PAPPA: variants seen among roughly 807,000 people sequenced by gnomAD.
The protein encoded by PAPPA is pappalysin 1.
Under a neutral mutation model 164.0 loss-of-function variants are expected in PAPPA, and 60 were observed. The observed-to-expected ratio is 0.37, with a 90% CI of 0.30 to 0.45. PAPPA has a LOEUF of 0.45. PAPPA is among the 20% of genes least tolerant of loss of function. The pLI, the probability that PAPPA is intolerant of heterozygous loss-of-function variation, is 1.00. For missense variants in PAPPA, 1,782 were observed against 2,087.3 expected (o/e 0.85, Z 2.85); for synonymous variants, 875 against 814.1 (o/e 1.07, Z -1.27).
chr9:116,338,976 T>C (rs931422596), intron 13 of PAPPA, among the ~76,000 whole-genome samples: 3 of 152,196 alleles, frequency 2.0e-5, no homozygotes, highest in African/African-American at 7.2e-5. Flanking sequence ...TTCTGTGCCC[T>C]CATTTGAGGA....
intron 16 of PAPPA, 28 bp from the exon 17 acceptor site, chr9:116,353,594 T>G: frequency 8.1e-6 from 13 of 1,605,474 alleles, no homozygotes; most frequent in Non-Finnish European, 1.1e-5. Context: ...GTCCTTGAGA[T>G]GTCTCCTGTT....
At chr9:116,211,530 G>A (rs532628206) in intron 3 of PAPPA, 109 bp from the exon 4 acceptor site, 3 of 897,026 alleles carry the variant, frequency 3.3e-6, no homozygotes, top group African/African-American at 1.7e-5. Flanking sequence ...GGGTGGAGAA[G>A]CTTGTGTTTA....
chr9:116,350,945 A>G (rs1436527154), intron 15 of PAPPA, among the ~76,000 whole-genome samples: 1 of 152,258 alleles, frequency 6.6e-6, no homozygotes, highest in African/African-American at 2.4e-5. Flanking sequence ...ACAGACACCA[A>G]TCTGCCTTGT....
Position 116,335,092 on chromosome 9 carries a change from G to C in PAPPA, c.3611+18G>C. On this transcript the variant is annotated intron_variant, in intron 13 of 21. Coordinates refer to ENST00000328252, the MANE Select transcript of PAPPA (RefSeq NM_002581.5). ...GAGCAGAGGTAAGGGATCCGCGGCA[G>C]ACTCGCCCTAGGCCACTTGTAGCCG... 1 of 1,602,058 alleles carries C rather than the reference G, an allele frequency of 6.2e-7. No individual in the cohort carries two copies. Among genetic ancestry groups the C allele is most frequent in the Admixed American group, 1.7e-5 (1 of 59,982 alleles).
intron 10 of PAPPA, among the ~76,000 whole-genome samples, chr9:116,322,410 C>CAAAAAAAA (rs34749732): frequency 1.8e-5 from 1 of 56,356 alleles, no homozygotes. Flanking sequence ...GACTTAGTCT[C>CAAAAAAAA]AAAAAAAAAA....
At position 116,353,678 on chromosome 9, in the gene PAPPA, T is replaced by C; in HGVS notation, c.4232T>C (p.Val1411Ala). The change falls in exon 17 of 22, where the codon GTT becomes GCT. Residue 1411 changes from valine (V) to alanine (A), a missense_variant. Physicochemically the swap from Val to Ala is moderately conservative, Grantham distance 64. This residue lies in a region of PAPPA where 1,324 missense variants were observed against 1,656.9 expected (regional missense o/e 0.80). Coordinates refer to ENST00000328252, the MANE Select transcript of PAPPA (RefSeq NM_002581.5). ...QDGSWQEGACVPVTCDPPPPK... is the reference protein window; with the variant it reads ...QDGSWQEGACAPVTCDPPPPK... ...GGCAGCTGGCAGGAGGGAGCTTGTG[T>C]TCCTGTGACCTGTGACCCACCTCCA... The C allele has an allele frequency of 1.9e-6, 3 of 1,614,076 alleles. No individual in the cohort carries two copies. Among genetic ancestry groups the C allele is most frequent in the Non-Finnish European group, 2.5e-6 (3 of 1,179,982 alleles).
Position 116,154,551 on chromosome 9 carries a change from G to C in PAPPA, c.379G>C (p.Ala127Pro). ...DAFTLQVWLR[A>P]EGGQRSPAVI... ...GTTCACGCTGCAAGTGTGGCTGCGAGCGGAGGGGGGCCAGAGGTCTCCGGC... is the reference window on the plus strand; with the variant it reads ...GTTCACGCTGCAAGTGTGGCTGCGACCGGAGGGGGGCCAGAGGTCTCCGGC... The change falls in exon 1 of 22, where the codon GCG becomes CCG. Residue 127 changes from alanine (A) to proline (P), a missense_variant. Physicochemically the swap from Ala to Pro is conservative, Grantham distance 27. Coordinates refer to ENST00000328252, the MANE Select transcript of PAPPA (RefSeq NM_002581.5). This position sits in a 1 kb window ranked among gnomAD's most constrained non-coding sequence, Gnocchi z 5.2. The C allele has an allele frequency of 7.1e-7, 1 of 1,405,982 alleles. No individual in the cohort carries two copies. Among genetic ancestry groups the C allele is most frequent in the Non-Finnish European group, 9.3e-7 (1 of 1,077,746 alleles). The allele number at this position is 1,405,982 out of a possible 1,614,324, so 87.1% of individuals were successfully genotyped here.
chr9:116,343,663 C>T lies in PAPPA; in HGVS notation c.3612-880C>T, dbSNP rs149706472. ...AGGTTGGCCAAATTTAAGAGTATAC[C>T]GAAGCTCAGAGATGTGATGTACTTT... On this transcript the variant is annotated intron_variant, in intron 13 of 21. Coordinates refer to ENST00000328252, the MANE Select transcript of PAPPA (RefSeq NM_002581.5). 1.3e-3 allele frequency among the ~76,000 whole-genome samples: 198 copies of T among 152,070 alleles called. 5 individuals carry two copies. The East Asian group carries it at 0.034, about 26-fold the overall frequency.
intron 1 of PAPPA, among the ~76,000 whole-genome samples, chr9:116,156,109 A>AT (rs35362408): frequency 0.013 from 1,737 of 137,916 alleles, 14 homozygotes; most frequent in African/African-American, 0.023. Flanking sequence ...CTTGGAGGTG[A>AT]TTTTTTTTTT....
At chr9:116,282,576 A>G (rs945412209) in intron 9 of PAPPA, among the ~76,000 whole-genome samples, 14 of 152,364 alleles carry the variant, frequency 9.2e-5, no homozygotes, top group African/African-American at 3.4e-4. Flanking sequence ...TAGTTTTAAC[A>G]TTATACAGGC....
chr9:116,180,285 G>T (rs1843888235), intron 1 of PAPPA, among the ~76,000 whole-genome samples: 1 of 151,978 alleles, frequency 6.6e-6, no homozygotes, highest in African/African-American at 2.4e-5. Flanking sequence ...GAGCCTTCAT[G>T]GTGGATTGAG....
At chr9:116,390,124 A>G (rs756315408) in intron 21 of PAPPA, among the ~76,000 whole-genome samples, 3 of 152,172 alleles carry the variant, frequency 2.0e-5, no homozygotes, top group Non-Finnish European at 4.4e-5. Flanking sequence ...AGCTGAATGA[A>G]TTCATGTCTT....
intron 9 of PAPPA, among the ~76,000 whole-genome samples, chr9:116,289,347 G>GCATATATATGCCATATATATAC (rs1845402226): frequency 1.0e-5 from 1 of 95,424 alleles, no homozygotes; most frequent in Non-Finnish European, 2.4e-5. Context: ...CATATATATG[G>GCATATATATGCCATATATATAC]CATATATATG....
intron 2 of PAPPA, among the ~76,000 whole-genome samples, chr9:116,194,122 A>G (rs1197327592): frequency 1.3e-5 from 2 of 152,240 alleles, no homozygotes; most frequent in East Asian, 3.9e-4. Context: ...TTCAGACTGT[A>G]GACACTGAAG....
chr9:116,166,466 G>T (rs1218897180), intron 1 of PAPPA, among the ~76,000 whole-genome samples: 3 of 152,088 alleles, frequency 2.0e-5, no homozygotes, highest in Non-Finnish European at 2.9e-5. Context: ...TGTTGCTTCA[G>T]TCTTCACCCA....
At chr9:116,269,668 C>G (rs979386759) in intron 8 of PAPPA, among the ~76,000 whole-genome samples, 1 of 152,054 alleles carries the variant, frequency 6.6e-6, no homozygotes, top group African/African-American at 2.4e-5. Flanking sequence ...TGTAGTGACC[C>G]GAATATTTTG....
In PAPPA at chr9:116,187,873, C is replaced by A; in HGVS notation, c.1135C>A (p.His379Asn). The part of the protein sequence containing the change: ...TVTREQVDFQ[H>N]HQLAEAFKQY... ...GACGCGCGAGCAGGTGGACTTCCAG[C>A]ACCATCAGCTGGCTGAGGCCTTCAA... The change falls in exon 2 of 22, where the codon CAC (histidine) becomes AAC (asparagine). Residue 379 changes from histidine to asparagine, a missense_variant. This residue lies in a region of PAPPA where 1,324 missense variants were observed against 1,656.9 expected (regional missense o/e 0.80). Coordinates refer to ENST00000328252, the MANE Select transcript of PAPPA (RefSeq NM_002581.5). The surrounding 1 kb of genome is among the most constrained non-coding windows in gnomAD (Gnocchi z 4.2). 6.2e-7 allele frequency: 1 copy of A among 1,614,176 alleles called. No individual in the cohort carries two copies. Among genetic ancestry groups the A allele is most frequent in the East Asian group, 2.2e-5 (1 of 44,880 alleles).
intron 10 of PAPPA, among the ~76,000 whole-genome samples, chr9:116,304,817 T>C (rs1022474310): frequency 7.2e-5 from 11 of 152,156 alleles, no homozygotes; most frequent in African/African-American, 2.4e-4. Context: ...TTATTCATTG[T>C]AACCAATTTT....
chr9:116,385,346 T>C (rs1374286535), intron 21 of PAPPA, among the ~76,000 whole-genome samples: 2 of 152,082 alleles, frequency 1.3e-5, no homozygotes. Flanking sequence ...ATGCACTCTG[T>C]AGAGAGAGAA....
Sources: allele counts gnomAD v4.1 joint callset (sites outside exome capture counted in the v4.1 genomes callset), GRCh38; gene constraint gnomAD v4.1.1; regional missense constraint gnomAD v4.1.1; non-coding constraint Gnocchi (gnomAD v3.1); transcripts MANE v1.5; gene names NCBI Gene and HGNC (gene_info 2026-07-23, HGNC 2026-07-21).